Variants in AGBL1 observed in about 807,000 individuals in gnomAD.
AGBL1 encodes AGBL carboxypeptidase 1, also known as cytosolic carboxypeptidase 4.
In AGBL1, 130 loss-of-function variants were observed where a neutral mutation model predicts 118.9. The observed-to-expected ratio is 1.09, with a 90% confidence interval of 0.95 to 1.26. AGBL1 has a LOEUF of 1.26. Ranked by LOEUF, AGBL1 falls within the 50% of genes most tolerant of loss-of-function variation. The pLI, the probability that AGBL1 is intolerant of heterozygous loss-of-function variation, is 0.00. For synonymous variants in AGBL1, 555 were observed against 478.9 expected (o/e 1.16, Z -2.08); for missense variants, 1,584 against 1,298.1 (o/e 1.22, Z -3.38).
At chr15:86,827,357 ATATATGTGTGTG>A (rs1454736598) in intron 22 of AGBL1, among the ~76,000 whole-genome samples, 174 of 11,296 alleles carry the variant, frequency 0.015, 30 homozygotes, top group African/African-American at 0.092. Flanking sequence ...ATATATATAT[ATATATGTGTGTG>A]TATATATATA....
chr15:86,854,439 C>T (rs2079449766), intron 22 of AGBL1, among the ~76,000 whole-genome samples: 1 of 152,190 alleles, frequency 6.6e-6, no homozygotes, highest in African/African-American at 2.4e-5. Flanking sequence ...AATTAGCACT[C>T]TGATGGGTGA....
chr15:86,188,106 C>T (rs2077661814), intron 5 of AGBL1, among the ~76,000 whole-genome samples: 1 of 152,160 alleles, frequency 6.6e-6, no homozygotes, highest in African/African-American at 2.4e-5. Context: ...TGAATGTGTA[C>T]ACAGTTATCA....
chr15:86,285,168 T>A (rs1278893050), intron 16 of AGBL1, among the ~76,000 whole-genome samples: 1 of 152,174 alleles, frequency 6.6e-6, no homozygotes, highest in Non-Finnish European at 1.5e-5. Flanking sequence ...CAGAAATTTA[T>A]ACTTGGTTTA....
chr15:86,857,398 G>A (rs889620279), intron 22 of AGBL1, among the ~76,000 whole-genome samples: 2 of 151,960 alleles, frequency 1.3e-5, no homozygotes, highest in African/African-American at 2.4e-5. Flanking sequence ...CCCATATCTC[G>A]AGCCCACATC....
chr15:86,848,462 C>A (rs2079350725), intron 22 of AGBL1, among the ~76,000 whole-genome samples: 1 of 152,138 alleles, frequency 6.6e-6, no homozygotes, highest in South Asian at 2.1e-4. Context: ...ACATGAAATT[C>A]TCTGCTCATT....
chr15:86,576,077 T>G (rs903780165), intron 21 of AGBL1, among the ~76,000 whole-genome samples: 11 of 152,222 alleles, frequency 7.2e-5, no homozygotes, highest in African/African-American at 2.7e-4. Flanking sequence ...AGGAAGAAGA[T>G]AATTAATATT....
chr15:86,137,366 A>G (rs573811336), intron 1 of AGBL1, among the ~76,000 whole-genome samples: 1 of 152,284 alleles, frequency 6.6e-6, no homozygotes, highest in Admixed American at 6.5e-5. Flanking sequence ...TCAAGACCAC[A>G]GTACTTGGGA....
At chr15:86,818,191 T>C (rs1020359359) in intron 22 of AGBL1, among the ~76,000 whole-genome samples, 3 of 152,130 alleles carry the variant, frequency 2.0e-5, no homozygotes, top group Non-Finnish European at 4.4e-5. Flanking sequence ...AGCTATAAGA[T>C]AACACATTTA....
intron 21 of AGBL1, among the ~76,000 whole-genome samples, chr15:86,660,222 C>G (rs1349244122): frequency 6.6e-6 from 1 of 151,952 alleles, no homozygotes; most frequent in Non-Finnish European, 1.5e-5. Flanking sequence ...CTGAAAAGAT[C>G]TACAGGGGCC....
In AGBL1 at chr15:86,468,856, G is replaced by T. The variant is rs953215191; in HGVS notation, c.2556-53954G>T. Among the ~76,000 whole-genome samples the T allele has an allele frequency of 3.9e-5, 6 of 152,286 alleles. No individual in the cohort carries two copies. The Middle Eastern group carries it at 0.01, about 259-fold the overall frequency. ...AACTATTCATCTTGAAGCTGAAGGG[G>T]AATAGACATTTTTGCCTCCCCTCTT... is the stretch of plus-strand genomic sequence containing the variant. On this transcript the variant is annotated intron_variant, in intron 18 of 22. Transcript: ENST00000614907.
intron 19 of AGBL1, among the ~76,000 whole-genome samples, chr15:86,525,578 C>T (rs1025619670): frequency 6.6e-6 from 1 of 152,088 alleles, no homozygotes; most frequent in Admixed American, 6.6e-5. Context: ...GAGATAAAGC[C>T]AGCCACCTAC....
At chr15:87,012,139 G>A (rs1047163558) in intron 24 of AGBL1, among the ~76,000 whole-genome samples, 16 of 151,590 alleles carry the variant, frequency 1.1e-4, no homozygotes, top group African/African-American at 3.9e-4. Context: ...CTAAATCAAG[G>A]TGACCCTTCA....
At chr15:86,621,813 C>G (rs1435651049) in intron 21 of AGBL1, among the ~76,000 whole-genome samples, 1 of 152,290 alleles carries the variant, frequency 6.6e-6, no homozygotes, top group East Asian at 1.9e-4. Flanking sequence ...GTTTAGAAAG[C>G]CTCTAGCATC....
intron 22 of AGBL1, among the ~76,000 whole-genome samples, chr15:86,857,441 T>C (rs1369349726): frequency 1.3e-5 from 2 of 152,154 alleles, no homozygotes; most frequent in Non-Finnish European, 2.9e-5. Context: ...GTGGCCTTCT[T>C]TCATCTGTTT....
chr15:86,085,958 G>T (rs1488324220), intron 1 of AGBL1, among the ~76,000 whole-genome samples: 1 of 152,140 alleles, frequency 6.6e-6, no homozygotes, highest in Admixed American at 6.5e-5. Flanking sequence ...CCAGATTTTG[G>T]ATCTGTCTCC....
intron 17 of AGBL1, among the ~76,000 whole-genome samples, chr15:86,342,245 C>G (rs1016740652): frequency 2.0e-5 from 3 of 152,166 alleles, no homozygotes; most frequent in Non-Finnish European, 4.4e-5. Flanking sequence ...TAGCCAAATT[C>G]TGGTCTTCCC....
intron 3 of AGBL1, among the ~76,000 whole-genome samples, chr15:86,145,463 A>G (rs956538025): frequency 2.0e-5 from 3 of 152,144 alleles, no homozygotes; most frequent in Admixed American, 6.5e-5. Flanking sequence ...GTTAAGTTCT[A>G]ATTGTGTGCT....
At chr15:86,543,255 C>T (rs2083529610) in intron 19 of AGBL1, among the ~76,000 whole-genome samples, 1 of 151,682 alleles carries the variant, frequency 6.6e-6, no homozygotes, top group Admixed American at 6.6e-5. Flanking sequence ...AGATAACATA[C>T]TGCTTCCTCT....
intron 1 of AGBL1, among the ~76,000 whole-genome samples, chr15:86,081,321 G>A (rs928479849): frequency 8.5e-5 from 13 of 152,288 alleles, no homozygotes; most frequent in South Asian, 4.2e-4. Flanking sequence ...GATTACAGGC[G>A]TGAGCCACTG....
Sources: gnomAD v4.1 joint callset for allele counts (sites outside exome capture counted in the v4.1 genomes callset) on GRCh38, gnomAD v4.1.1 for gene constraint, MANE v1.5 for transcripts, NCBI Gene and HGNC (gene_info 2026-07-23, HGNC 2026-07-21) for gene names.